Variants in TOGARAM2 observed in about 807,000 individuals in gnomAD.
The protein encoded by TOGARAM2 is TOG array regulator of axonemal microtubules 2.
A neutral mutation model predicts 93.3 loss-of-function variants in TOGARAM2; 85 were observed. The ratio of observed to expected loss-of-function variants is 0.91; its 90% CI spans 0.76 to 1.09. The LOEUF (loss-of-function observed/expected upper bound fraction) is 1.09. TOGARAM2 is among the 50% of genes least tolerant of loss of function. The pLI is 0.00. For synonymous variants in TOGARAM2, 593 were observed against 552.8 expected (o/e 1.07, Z -1.02); for missense variants, 1,277 against 1,334.5 (o/e 0.96, Z 0.67).
chr2:29,018,232 G>A (rs1664716527), intron 10 of TOGARAM2: 7 of 417,378 alleles, frequency 1.7e-5, no homozygotes, highest in Admixed American at 4.2e-5. Context: ...ACCAGTGCAC[G>A]AGGGCCAAAG....
Position 29,003,548 on chromosome 2 carries a change from GGGC to G in TOGARAM2, c.698_700del (p.Gly233del). 2.5e-6 allele frequency: 4 copies of G among 1,593,410 alleles called. No individual in the cohort carries two copies. Among genetic ancestry groups the G allele is most frequent in the Non-Finnish European group, 3.4e-6 (4 of 1,170,896 alleles). On this transcript the variant is annotated inframe_deletion, in exon 6 of 20. Coordinates refer to ENST00000379558, the MANE Select transcript of TOGARAM2 (RefSeq NM_199280.4). ...ATGATGAGAAGATGCAGAAGTCCCT[GGGC>G]GCCATCGTGATCCCACCCATCCCAA...
At chr2:28,971,652 G>A (rs1242090992) in intron 1 of TOGARAM2, among the ~76,000 whole-genome samples, 4 of 151,930 alleles carry the variant, frequency 2.6e-5, no homozygotes, top group Non-Finnish European at 5.9e-5. Flanking sequence ...ATTTTTTCCT[G>A]AGTGGTTTTT....
chr2:28,957,687 TG>T (rs1671746666), intron 1 of TOGARAM2, among the ~76,000 whole-genome samples: 1 of 152,178 alleles, frequency 6.6e-6, no homozygotes, highest in Non-Finnish European at 1.5e-5. Flanking sequence ...TGATAAGGTT[TG>T]TTCACATGAT....
chr2:29,035,702 G>GC, intron 17 of TOGARAM2, 46 bp downstream of exon 17: 1 of 1,312,902 alleles, frequency 7.6e-7, no homozygotes, highest in Non-Finnish European at 9.8e-7. Context: ...CTCCTCTGGG[G>GC]GGTGCAACTT....
chr2:29,049,518 C>T (rs7563679), intron 19 of TOGARAM2: 57,753 of 152,020 alleles, frequency 0.38, 11,521 homozygotes, highest in Admixed American at 0.44. Flanking sequence ...TCAGTGTAGG[C>T]GGCTACTCAG....
chr2:29,038,471 T>G (rs1666250239), intron 18 of TOGARAM2, among the ~76,000 whole-genome samples: 1 of 152,094 alleles, frequency 6.6e-6, no homozygotes, highest in Non-Finnish European at 1.5e-5. Context: ...TACTGGTTTT[T>G]GTTTTTGTTT....
At chr2:29,051,573 A>G in intron 19 of TOGARAM2, 183 bp from the exon 20 acceptor site, 2 of 517,216 alleles carry the variant, frequency 3.9e-6, no homozygotes, top group South Asian at 3.7e-5. Flanking sequence ...ATATTCATAT[A>G]TTTTCTACTA....
intron 7 of TOGARAM2, 120 bp from the exon 8 acceptor site, chr2:29,014,275 C>T (rs574990884): frequency 2.4e-6 from 3 of 1,235,210 alleles, no homozygotes; most frequent in South Asian, 1.5e-5. Flanking sequence ...TCAGGTCTTG[C>T]TCCATTGAGG....
chr2:28,973,431 C>T (rs201105293), intron 1 of TOGARAM2, among the ~76,000 whole-genome samples: 8,773 of 92,724 alleles, frequency 0.095, 385 homozygotes, highest in East Asian at 0.57. Flanking sequence ...TTCCTCCCTT[C>T]CTTCCCTTCC....
At chr2:28,957,927 G>T (rs1398061542) in intron 1 of TOGARAM2, among the ~76,000 whole-genome samples, 1 of 152,154 alleles carries the variant, frequency 6.6e-6, no homozygotes, top group Non-Finnish European at 1.5e-5. Flanking sequence ...ATGGCATAGG[G>T]ATGAGTAGGG....
chr2:28,986,649 C>A (rs1193289817), intron 1 of TOGARAM2, among the ~76,000 whole-genome samples: 1 of 152,344 alleles, frequency 6.6e-6, no homozygotes, highest in Middle Eastern at 3.4e-3. Context: ...AATGGAAGGA[C>A]CTCCTGCTGC....
chr2:28,958,493 T>C (rs1248719362), intron 1 of TOGARAM2, among the ~76,000 whole-genome samples: 1 of 152,012 alleles, frequency 6.6e-6, no homozygotes, highest in Non-Finnish European at 1.5e-5. Flanking sequence ...TTTTGTAGAG[T>C]TGGGGTCTTG....
At chr2:29,023,653 G>A (rs991537662) in intron 12 of TOGARAM2, among the ~76,000 whole-genome samples, 1 of 152,160 alleles carries the variant, frequency 6.6e-6, no homozygotes, top group Non-Finnish European at 1.5e-5. Flanking sequence ...GGGGTGGGGT[G>A]GGGATGAATA....
At position 28,999,162 on chromosome 2, in the gene TOGARAM2, A is replaced by G; in HGVS notation, c.140-19A>G. ...CTGGGTACTGCGTGCCAAGCCATTC[A>G]CACCTCTGTCCCCCTCAGGTTCTCT... On this transcript the variant is annotated intron_variant, in intron 3 of 19. Transcript: ENST00000379558. 6.3e-7 allele frequency: 1 copy of G among 1,593,066 alleles called. No homozygotes were observed.
intron 6 of TOGARAM2, among the ~76,000 whole-genome samples, chr2:29,005,736 C>G (rs1427183961): frequency 4.2e-5 from 2 of 47,664 alleles, no homozygotes; most frequent in African/African-American, 9.9e-5. Context: ...TGTGTGTGAG[C>G]ACATATATGT....
intron 1 of TOGARAM2, among the ~76,000 whole-genome samples, chr2:28,971,937 T>G (rs534243155): frequency 1.8e-4 from 27 of 152,344 alleles, no homozygotes; most frequent in South Asian, 1.0e-3. Context: ...TCTTAAGAGA[T>G]ATTTTATGAA....
chr2:29,020,587 C>A (rs1374074016), intron 10 of TOGARAM2, among the ~76,000 whole-genome samples: 8 of 152,194 alleles, frequency 5.3e-5, no homozygotes, highest in Admixed American at 5.2e-4. Flanking sequence ...AGGCTGGAAT[C>A]CCCCTGCCAG....
At chr2:29,005,053 T>TGC in intron 6 of TOGARAM2, among the ~76,000 whole-genome samples, 1 of 14,332 alleles carries the variant, frequency 7.0e-5, no homozygotes, top group Non-Finnish European at 5.4e-4. Flanking sequence ...TGTGCATGTG[T>TGC]ATGTGTGTGA....
At chr2:28,997,014 G>A (rs1326795818) in intron 2 of TOGARAM2, among the ~76,000 whole-genome samples, 1 of 152,080 alleles carries the variant, frequency 6.6e-6, no homozygotes, top group Non-Finnish European at 1.5e-5. Context: ...AAACATGAGA[G>A]TGCAGATAGC....
Sources: gnomAD v4.1 joint callset for allele counts (sites outside exome capture counted in the v4.1 genomes callset) on GRCh38, gnomAD v4.1.1 for gene constraint, MANE v1.5 for transcripts, NCBI Gene and HGNC (gene_info 2026-07-23, HGNC 2026-07-21) for gene names.